The following KCTD3 variants were observed in gnomAD, a reference collection of about 807,000 sequenced individuals.
KCTD3 encodes BTB/POZ domain-containing protein KCTD3.
KCTD3 carries 41 observed loss-of-function variants against 85.8 expected under a neutral mutation model. The observed-to-expected ratio is 0.48, with a 90% confidence interval of 0.37 to 0.62. KCTD3 has a LOEUF of 0.62. KCTD3 is among the 20% of genes least tolerant of loss of function. The pLI is 0.00. For synonymous variants in KCTD3, 338 were observed against 345.4 expected (o/e 0.98, Z 0.24); for missense variants, 724 against 989.9 (o/e 0.73, Z 3.60).
At chr1:215,598,739 G>A (rs188300434) in intron 10 of KCTD3, among the ~76,000 whole-genome samples, 60 of 152,052 alleles carry the variant, frequency 3.9e-4, no homozygotes, top group African/African-American at 1.0e-3. Flanking sequence ...AAATAGAAGC[G>A]CAGCTAAAAG....
intron 8 of KCTD3, among the ~76,000 whole-genome samples, chr1:215,585,203 AGT>A (rs1302684602): frequency 6.6e-6 from 1 of 152,198 alleles, no homozygotes; most frequent in Admixed American, 6.5e-5. Context: ...AGCAAATTTT[AGT>A]GTTTATTAGG....
intron 5 of KCTD3, 51 bp from the exon 6 acceptor site, chr1:215,577,950 G>C (rs747536577): frequency 6.3e-7 from 1 of 1,584,266 alleles, no homozygotes; most frequent in Admixed American, 1.8e-5. Flanking sequence ...ATGGAGTACT[G>C]TTTTTCTGTT....
At chr1:215,616,663 G>C (rs1655462949) in intron 15 of KCTD3, among the ~76,000 whole-genome samples, 1 of 152,188 alleles carries the variant, frequency 6.6e-6, no homozygotes, top group African/African-American at 2.4e-5. Context: ...AGGAGGCTGA[G>C]GCAGGAGAAT....
chr1:215,608,240 A>C lies in KCTD3; in HGVS notation c.1465+68A>C, dbSNP rs148000300. On this transcript the variant is annotated intron_variant, in intron 14 of 17. Transcript: ENST00000259154. ...CTGTTCAGAAGAAGCATATCAACTAATAAAACCACAAAAATGAGTTTTAAA... is the reference window on the plus strand; with the variant it reads ...CTGTTCAGAAGAAGCATATCAACTACTAAAACCACAAAAATGAGTTTTAAA... 9 of 982,658 alleles carry C rather than the reference A, an allele frequency of 9.2e-6. No individual in the cohort carries two copies. In the Middle Eastern group the frequency reaches 9.6e-4, roughly 104 times the overall value. 60.9% of individuals were successfully genotyped at this position (982,658 alleles called of 1,614,324 possible).
chr1:215,576,676 T>A (rs1038792182), intron 4 of KCTD3, among the ~76,000 whole-genome samples: 3 of 151,678 alleles, frequency 2.0e-5, no homozygotes, highest in Non-Finnish European at 4.4e-5. Context: ...CACGCCATTC[T>A]CCTGCCTTAG....
At chr1:215,611,974 A>C (rs1416924399) in intron 15 of KCTD3, 53 bp downstream of exon 15, 3 of 1,174,898 alleles carry the variant, frequency 2.6e-6, no homozygotes, top group Non-Finnish European at 3.8e-6. Context: ...TTTGTCTTAC[A>C]AAACATATGG....
At chr1:215,577,482 G>T (rs557653748) in intron 4 of KCTD3, among the ~76,000 whole-genome samples, 188 bp from the exon 5 acceptor site, 1 of 151,848 alleles carries the variant, frequency 6.6e-6, no homozygotes, top group African/African-American at 2.4e-5. Context: ...GAATATTTTT[G>T]TTCACATGCA....
At chr1:215,580,024 G>A (rs200579571) in intron 8 of KCTD3, 25 bp downstream of exon 8, 13 of 1,358,418 alleles carry the variant, frequency 9.6e-6, no homozygotes, top group East Asian at 4.6e-5. Flanking sequence ...ATAATGCTTT[G>A]CTTTTACAGG....
At chr1:215,569,786 T>G (rs2102549259) in intron 1 of KCTD3, among the ~76,000 whole-genome samples, 1 of 152,248 alleles carries the variant, frequency 6.6e-6, no homozygotes, top group African/African-American at 2.4e-5. Flanking sequence ...TCTAATTTTT[T>G]CTAAGTGATA....
chr1:215,608,914 C>T (rs763029398), intron 14 of KCTD3, among the ~76,000 whole-genome samples: 4 of 151,966 alleles, frequency 2.6e-5, no homozygotes, highest in Non-Finnish European at 4.4e-5. Context: ...TGATTCTAGG[C>T]ACTGGAAGTT....
At chr1:215,614,397 A>G (rs902351026) in intron 15 of KCTD3, among the ~76,000 whole-genome samples, 4 of 152,160 alleles carry the variant, frequency 2.6e-5, no homozygotes, top group African/African-American at 7.2e-5. Flanking sequence ...GCATTGATGT[A>G]ATTACTTTGT....
intron 1 of KCTD3, among the ~76,000 whole-genome samples, chr1:215,573,009 T>G (rs1659423029): frequency 6.6e-6 from 1 of 152,176 alleles, no homozygotes; most frequent in Non-Finnish European, 1.5e-5. Context: ...CATAAATTAT[T>G]GGTTTGTTGT....
intron 14 of KCTD3, among the ~76,000 whole-genome samples, chr1:215,611,419 G>T (rs770100579): frequency 6.6e-6 from 1 of 151,886 alleles, no homozygotes; most frequent in African/African-American, 2.4e-5. Flanking sequence ...AAGATTTTGT[G>T]TGTTGTCTTC....
chr1:215,579,268 A>C, intron 7 of KCTD3, 131 bp downstream of exon 7: 1 of 662,430 alleles, frequency 1.5e-6, no homozygotes, highest in Non-Finnish European at 2.5e-6. Context: ...TATATCTTGG[A>C]AAGGTCTCAT....
At chr1:215,594,458 C>T (rs1379723673) in intron 9 of KCTD3, among the ~76,000 whole-genome samples, 1 of 152,176 alleles carries the variant, frequency 6.6e-6, no homozygotes, top group Non-Finnish European at 1.5e-5. Flanking sequence ...CTTCTGTTTG[C>T]TCTGATTCCC....
At chr1:215,575,207 G>A (rs1261298505) in intron 3 of KCTD3, among the ~76,000 whole-genome samples, 1 of 152,070 alleles carries the variant, frequency 6.6e-6, no homozygotes, top group Non-Finnish European at 1.5e-5. Context: ...AGCCCAGATC[G>A]TGCCACTGCA....
At chr1:215,576,641 C>T (rs909135283) in intron 4 of KCTD3, among the ~76,000 whole-genome samples, 2 of 151,816 alleles carry the variant, frequency 1.3e-5, no homozygotes, top group Non-Finnish European at 2.9e-5. Flanking sequence ...CACCCAGACT[C>T]ACTGCAATCT....
chr1:215,577,907 T>C, intron 5 of KCTD3, 94 bp from the exon 6 acceptor site: 1 of 1,542,618 alleles, frequency 6.5e-7, no homozygotes, highest in Non-Finnish European at 8.8e-7. Flanking sequence ...TTTCCTTTTC[T>C]TTCCTTATCC....
chr1:215,574,735 C>T (rs371548997), intron 3 of KCTD3, among the ~76,000 whole-genome samples: 25 of 152,038 alleles, frequency 1.6e-4, no homozygotes, highest in East Asian at 5.8e-4. Context: ...GATGTCTCTT[C>T]GATTTTTGAT....
Sources: gnomAD v4.1 joint callset for allele counts (sites outside exome capture counted in the v4.1 genomes callset) on GRCh38, gnomAD v4.1.1 for gene constraint, MANE v1.5 for transcripts, NCBI Gene and HGNC (gene_info 2026-07-23, HGNC 2026-07-21) for gene names.